The following EYA1 variants were observed in gnomAD, a reference collection of about 807,000 sequenced individuals.
EYA1 encodes the protein protein phosphatase EYA1.
A neutral mutation model predicts 82.0 loss-of-function variants in EYA1; 16 were observed. The observed-to-expected ratio is 0.20, with a 90% CI of 0.13 to 0.30. EYA1 has a LOEUF of 0.30. EYA1 is among the 10% of genes least tolerant of loss of function. The pLI, the probability that EYA1 is intolerant of heterozygous loss-of-function variation, is 1.00. For missense variants in EYA1, 633 were observed against 730.7 expected, an observed-to-expected ratio of 0.87 and a Z score of 1.54; for synonymous variants, 261 against 264.4, an observed-to-expected ratio of 0.99 and a Z score of 0.12.
chr8:71,441,193 C>T (rs1466501734), intron 2 of EYA1, among the ~76,000 whole-genome samples: 1 of 152,116 alleles, frequency 6.6e-6, no homozygotes, highest in Non-Finnish European at 1.5e-5. Context: ...AACAGAATGA[C>T]TAATATAGAT....
chr8:71,286,806 T>G (rs1333634381), intron 9 of EYA1, among the ~76,000 whole-genome samples: 2 of 124,704 alleles, frequency 1.6e-5, no homozygotes, highest in African/African-American at 2.7e-5. Context: ...AGTTTTTTTT[T>G]TTTTTTTTTT....
At chr8:71,499,091 G>A (rs1468079625) in intron 2 of EYA1, among the ~76,000 whole-genome samples, 2 of 152,086 alleles carry the variant, frequency 1.3e-5, no homozygotes, top group Non-Finnish European at 2.9e-5. Context: ...GTGTCTGGGG[G>A]GTGTGGAGCT....
At chr8:71,541,249 G>A (rs1308036350) in intron 1 of EYA1, among the ~76,000 whole-genome samples, 3 of 152,210 alleles carry the variant, frequency 2.0e-5, no homozygotes, top group Non-Finnish European at 4.4e-5. Flanking sequence ...CTCTACCTTG[G>A]TGAAAGTCTT....
intron 12 of EYA1, among the ~76,000 whole-genome samples, chr8:71,222,349 C>T (rs1021089769): frequency 2.6e-5 from 4 of 152,118 alleles, no homozygotes; most frequent in Non-Finnish European, 4.4e-5. Flanking sequence ...GGCAAAGTTG[C>T]GATTATCCTC....
At chr8:71,363,671 T>C (rs1827574717), upstream of EYA1, among the ~76,000 whole-genome samples, 1 of 152,154 alleles carries the variant, frequency 6.6e-6, no homozygotes, top group Non-Finnish European at 1.5e-5. Context: ...AAATACAGCT[T>C]GTAATGGAGA....
intron 9 of EYA1, among the ~76,000 whole-genome samples, chr8:71,289,303 A>G (rs1206139968): frequency 6.6e-6 from 1 of 152,228 alleles, no homozygotes; most frequent in African/African-American, 2.4e-5. Flanking sequence ...GATATCCACA[A>G]ACTGCTTTTA....
chr8:71,253,781 T>A (rs983672084), intron 11 of EYA1, among the ~76,000 whole-genome samples: 2 of 152,176 alleles, frequency 1.3e-5, no homozygotes, highest in Non-Finnish European at 2.9e-5. Context: ...ACCTGCCAGG[T>A]GACTCAGCAT....
At chr8:71,376,020 A>G (rs1828349851) in intron 2 of EYA1, among the ~76,000 whole-genome samples, 1 of 152,202 alleles carries the variant, frequency 6.6e-6, no homozygotes, top group Non-Finnish European at 1.5e-5. Context: ...GCTCCTATGT[A>G]TGGTGCATGT....
At position 71,362,009 on chromosome 8, in the gene EYA1, G is replaced by GT. The variant is rs1421513233; in HGVS notation, c.-418dup. On this transcript the variant is annotated 5_prime_UTR_variant, in exon 1 of 18. It removes the in-frame stop codon of an upstream open reading frame in the 5' UTR. Coordinates refer to ENST00000340726, the MANE Select transcript of EYA1 (RefSeq NM_000503.6). Reference sequence around the variant, plus strand: ...CCATCAGCTCCCACCGTTCTGTTTGGTAACAGCTTTGCGCCCAGCGCTCCT... The same window carrying GT: ...CCATCAGCTCCCACCGTTCTGTTTGGTTAACAGCTTTGCGCCCAGCGCTCCT... 1 of 985,350 alleles carries GT rather than the reference G, an allele frequency of 1.0e-6. No homozygotes were observed. Among genetic ancestry groups the GT allele is most frequent in the African/African-American group, 1.7e-5 (1 of 57,224 alleles). The allele number at this position is 985,350 out of a possible 1,614,324, so 61.0% of individuals were successfully genotyped here.
rs573767996 is a variant in EYA1, at chr8:71,382,715, C to T, written c.34-26204G>A. Among the ~76,000 whole-genome samples the T allele has an allele frequency of 2.5e-4, 38 of 152,094 alleles. 1 individual carries two copies. The South Asian group carries it at 6.9e-3, about 27-fold the overall frequency. On this transcript the variant is annotated intron_variant, in intron 2 of 18. Coordinates refer to the EYA1 transcript ENST00000643681. ...ATTATATTATGTATCTCTGTGAGTG[C>T]CTCATTACAGAATTCAATGATTTGG...
intron 9 of EYA1, among the ~76,000 whole-genome samples, chr8:71,290,887 C>G (rs1194113224): frequency 6.6e-6 from 1 of 152,162 alleles, no homozygotes; most frequent in Non-Finnish European, 1.5e-5. Context: ...TTTGTTTTCT[C>G]ACATCTTAAT....
At chr8:71,387,949 A>T (rs1323391015) in intron 2 of EYA1, among the ~76,000 whole-genome samples, 1 of 152,170 alleles carries the variant, frequency 6.6e-6, no homozygotes, top group Non-Finnish European at 1.5e-5. Context: ...AAGTAGGAGA[A>T]CTCATAGACT....
intron 2 of EYA1, among the ~76,000 whole-genome samples, chr8:71,471,253 T>C (rs942109105): frequency 1.1e-4 from 17 of 152,044 alleles, no homozygotes; most frequent in African/African-American, 3.9e-4. Flanking sequence ...AAACAATTGT[T>C]ATACAATTGG....
At chr8:71,217,104 A>AT in intron 12 of EYA1, 81 bp from the exon 13 acceptor site, 1 of 1,057,300 alleles carries the variant, frequency 9.5e-7, no homozygotes. Flanking sequence ...AACCATACAT[A>AT]TTTTTTAAAG....
intron 2 of EYA1, among the ~76,000 whole-genome samples, chr8:71,519,100 T>C (rs1327797666): frequency 6.6e-6 from 1 of 152,174 alleles, no homozygotes; most frequent in Non-Finnish European, 1.5e-5. Context: ...CTTTTTCCCC[T>C]ATGACAATGA....
chr8:71,449,441 C>T (rs975966389), intron 2 of EYA1, among the ~76,000 whole-genome samples: 3 of 152,172 alleles, frequency 2.0e-5, no homozygotes, highest in Non-Finnish European at 4.4e-5. Flanking sequence ...GGGAGCATTT[C>T]AATGAACAGT....
At chr8:71,453,461 A>G (rs774759265) in intron 2 of EYA1, among the ~76,000 whole-genome samples, 1 of 152,212 alleles carries the variant, frequency 6.6e-6, no homozygotes, top group Non-Finnish European at 1.5e-5. Flanking sequence ...TCCAATACAC[A>G]TAATTGTCAG....
chr8:71,537,772 T>G (rs998897061), intron 1 of EYA1, among the ~76,000 whole-genome samples: 12 of 152,212 alleles, frequency 7.9e-5, no homozygotes, highest in African/African-American at 2.9e-4. Context: ...CATGTGTTTC[T>G]TTCCCATATT....
intron 11 of EYA1, among the ~76,000 whole-genome samples, chr8:71,252,271 C>A (rs1254031115): frequency 6.6e-6 from 1 of 151,810 alleles, no homozygotes; most frequent in Non-Finnish European, 1.5e-5. Flanking sequence ...TCCAACAATG[C>A]CTTCATCTGT....
Sources: gnomAD v4.1 joint callset for allele counts (sites outside exome capture counted in the v4.1 genomes callset) on GRCh38, gnomAD v4.1.1 for gene constraint, MANE v1.5 for transcripts, NCBI Gene and HGNC (gene_info 2026-07-23, HGNC 2026-07-21) for gene names.